The following TMEM117 variants were observed in gnomAD, a reference collection of about 807,000 sequenced individuals.
TMEM117 encodes transmembrane protein 117.
In TMEM117, 27 loss-of-function variants were observed where a neutral mutation model predicts 52.4. The ratio of observed to expected loss-of-function variants is 0.51; its 90% CI spans 0.38 to 0.71. TMEM117 has a LOEUF of 0.71. Among genes scored for constraint, TMEM117 ranks in the 30% least tolerant of loss-of-function variants. The pLI is 0.00. For missense variants in TMEM117, 556 were observed against 630.5 expected, an observed-to-expected ratio of 0.88 and a Z score of 1.26; for synonymous variants, 215 against 206.3, an observed-to-expected ratio of 1.04 and a Z score of -0.36.
chr12:43,971,072 C>T (rs985205060), intron 3 of TMEM117, among the ~76,000 whole-genome samples: 3 of 152,118 alleles, frequency 2.0e-5, no homozygotes, highest in African/African-American at 7.2e-5. Flanking sequence ...TAGCTAAGGC[C>T]AGACTTACGT....
intron 2 of TMEM117, 155 bp downstream of exon 2, chr12:43,845,083 ACTACTCT>A: frequency 1.3e-6 from 1 of 768,770 alleles, no homozygotes; most frequent in Non-Finnish European, 2.0e-6. Context: ...GGGTTCTTCA[ACTACTCT>A]CTGTTAATGG....
chr12:44,024,140 C>T (rs1489341820), intron 3 of TMEM117, among the ~76,000 whole-genome samples: 7 of 152,032 alleles, frequency 4.6e-5, no homozygotes, highest in South Asian at 4.1e-4. Context: ...TGAGCCTAAG[C>T]GTAATATTGC....
chr12:44,146,540 GA>G (rs2138208673), intron 4 of TMEM117, among the ~76,000 whole-genome samples: 1 of 152,240 alleles, frequency 6.6e-6, no homozygotes, highest in East Asian at 1.9e-4. Context: ...AATAGCAAAG[GA>G]AATACCAAGT....
rs114760872 is a variant in TMEM117, at chr12:44,252,954, A to C, written c.608+41567A>C. On this transcript the variant is annotated intron_variant, in intron 5 of 7. Transcript: ENST00000266534. ...TTATTAATTATTTAGCAAAGAAAAGAAGAAGAGGTCGGAAAAAGAGGAGGA... is the reference window on the plus strand; with the variant it reads ...TTATTAATTATTTAGCAAAGAAAAGCAGAAGAGGTCGGAAAAAGAGGAGGA... Among the ~76,000 whole-genome samples the C allele has an allele frequency of 4.1e-3, 630 of 152,324 alleles. 4 individuals carry two copies. Among genetic ancestry groups the C allele is most frequent in the African/African-American group, 0.014 (597 of 41,582 alleles).
chr12:44,251,559 A>T (rs1950197245), intron 5 of TMEM117, among the ~76,000 whole-genome samples: 1 of 152,206 alleles, frequency 6.6e-6, no homozygotes, highest in African/African-American at 2.4e-5. Context: ...GTCACTAAGG[A>T]CACATTTTAC....
intron 3 of TMEM117, among the ~76,000 whole-genome samples, chr12:44,107,104 A>G (rs1253135036): frequency 1.3e-5 from 2 of 152,090 alleles, no homozygotes; most frequent in Non-Finnish European, 2.9e-5. Context: ...GGTCAGGCAC[A>G]AAGTTTAAGT....
intron 2 of TMEM117, among the ~76,000 whole-genome samples, chr12:43,927,434 A>AT (rs1393196910): frequency 2.0e-5 from 3 of 150,368 alleles, no homozygotes; most frequent in South Asian, 4.2e-4. Flanking sequence ...ATCTTTGTTA[A>AT]TTTTTTTTGT....
At chr12:43,962,619 A>G (rs1311052301) in intron 3 of TMEM117, among the ~76,000 whole-genome samples, 1 of 152,152 alleles carries the variant, frequency 6.6e-6, no homozygotes. Flanking sequence ...CCTAAAATAC[A>G]TATTTTAAAA....
chr12:43,926,855 G>GT (rs1193444190), intron 2 of TMEM117, among the ~76,000 whole-genome samples: 3 of 151,656 alleles, frequency 2.0e-5, no homozygotes, highest in Non-Finnish European at 2.9e-5. Flanking sequence ...AGATTTGTTG[G>GT]TTTTATAAAA....
rs1490808569 is a variant in TMEM117, at chr12:44,335,494, A to G, written c.768+35755A>G. ...ATCTGTTTTACAAAGGAAGAAGTACATGCTCAGAGAGGTTAAGTTGTATAT... is the reference window on the plus strand; with the variant it reads ...ATCTGTTTTACAAAGGAAGAAGTACGTGCTCAGAGAGGTTAAGTTGTATAT... On this transcript the variant is annotated intron_variant, in intron 6 of 7. Coordinates refer to ENST00000266534, the MANE Select transcript of TMEM117 (RefSeq NM_032256.3). 5.9e-5 allele frequency among the ~76,000 whole-genome samples: 9 copies of G among 152,200 alleles called. No individual in the cohort carries two copies. The South Asian group carries it at 1.7e-3, about 28-fold the overall frequency.
chr12:44,094,600 C>A (rs995386546), intron 3 of TMEM117, among the ~76,000 whole-genome samples: 1 of 152,038 alleles, frequency 6.6e-6, no homozygotes, highest in African/African-American at 2.4e-5. Flanking sequence ...ATAAATCAAT[C>A]GACACAAATA....
chr12:43,864,855 A>G (rs1274928965), intron 2 of TMEM117, among the ~76,000 whole-genome samples: 1 of 152,160 alleles, frequency 6.6e-6, no homozygotes, highest in Non-Finnish European at 1.5e-5. Context: ...GCTGCTGCTC[A>G]CTGTTTGGGT....
At chr12:44,010,093 C>A in intron 3 of TMEM117, 1 of 468,314 alleles carries the variant, frequency 2.1e-6, no homozygotes, top group South Asian at 1.6e-5. Flanking sequence ...CCCACATAGC[C>A]CCCATCTGGG....
At chr12:43,867,964 T>G (rs545537208) in intron 2 of TMEM117, among the ~76,000 whole-genome samples, 134 of 150,882 alleles carry the variant, frequency 8.9e-4, no homozygotes, top group Non-Finnish European at 1.3e-3. Context: ...GAATACACAT[T>G]TTTTCAAGTA....
chr12:43,877,210 A>C lies in TMEM117; in HGVS notation c.277+32282A>C, dbSNP rs187482339. On this transcript the variant is annotated intron_variant, in intron 2 of 7. Coordinates refer to ENST00000266534, the MANE Select transcript of TMEM117 (RefSeq NM_032256.3). Reference sequence around the variant, plus strand: ...AGAATTTTTGAGTCAAAGAATGTGCACATTTTTCACTTGGTATATATTTCC... The same window carrying C: ...AGAATTTTTGAGTCAAAGAATGTGCCCATTTTTCACTTGGTATATATTTCC... Among the ~76,000 whole-genome samples, 385 of 152,368 alleles carry C rather than the reference A, an allele frequency of 2.5e-3. 2 individuals are homozygous for C. Among genetic ancestry groups the C allele is most frequent in the Non-Finnish European group, 4.6e-3 (316 of 68,034 alleles).
chr12:43,956,530 T>C (rs1384018923), intron 3 of TMEM117, among the ~76,000 whole-genome samples: 1 of 136,906 alleles, frequency 7.3e-6, no homozygotes, highest in Non-Finnish European at 1.6e-5. Flanking sequence ...AAGACGTACA[T>C]GCAACCAACA....
chr12:44,308,690 G>A (rs1216507259), intron 6 of TMEM117, among the ~76,000 whole-genome samples: 4 of 151,138 alleles, frequency 2.6e-5, no homozygotes, highest in African/African-American at 9.8e-5. Flanking sequence ...CGCCATCTCG[G>A]CTCGCTGCAA....
chr12:44,317,724 G>A (rs971809972), intron 6 of TMEM117, among the ~76,000 whole-genome samples: 2 of 152,162 alleles, frequency 1.3e-5, no homozygotes, highest in Non-Finnish European at 2.9e-5. Context: ...CTACCTACAG[G>A]CCAGTAGATG....
the TMEM117 span, among the ~76,000 whole-genome samples, chr12:43,808,132 G>A: frequency 6.6e-6 from 1 of 152,224 alleles, no homozygotes; most frequent in South Asian, 2.1e-4. Flanking sequence ...AATGTATGCA[G>A]ATAAGAGGGT....
Sources: allele counts gnomAD v4.1 joint callset (sites outside exome capture counted in the v4.1 genomes callset), GRCh38; gene constraint gnomAD v4.1.1; transcripts MANE v1.5; gene names NCBI Gene and HGNC (gene_info 2026-07-23, HGNC 2026-07-21).